DOCK7: variants seen among roughly 807,000 people sequenced by gnomAD.
The protein encoded by DOCK7 is dedicator of cytokinesis 7.
DOCK7 carries 138 observed loss-of-function variants against 271.0 expected under a neutral mutation model. The observed-to-expected ratio is 0.51, with a 90% CI of 0.44 to 0.59. The LOEUF is 0.59. Among genes scored for constraint, DOCK7 ranks in the 20% least tolerant of loss-of-function variants. The pLI is 0.00. For missense variants in DOCK7, 2,066 were observed against 2,592.4 expected (o/e 0.80, Z 4.41); for synonymous variants, 823 against 876.1 (o/e 0.94, Z 1.07).
chr1:62,506,032 A>G (rs1186284123), intron 35 of DOCK7, among the ~76,000 whole-genome samples: 1 of 152,180 alleles, frequency 6.6e-6, no homozygotes, highest in East Asian at 1.9e-4. Context: ...TATAATTTAA[A>G]TGAGAAAAAA....
rs190609839 is a variant in DOCK7, at chr1:62,610,608, C to T, written c.1682+8098G>A. 7.7e-4 allele frequency among the ~76,000 whole-genome samples: 117 copies of T among 152,070 alleles called. 1 individual carries two copies. Among genetic ancestry groups the T allele is most frequent in the Middle Eastern group, 6.8e-3 (2 of 294 alleles). On this transcript the variant is annotated intron_variant, in intron 14 of 49. Coordinates refer to ENST00000635253, the MANE Select transcript of DOCK7 (RefSeq NM_001367561.1). ...ATTAGGTATTTCTCCTAATGCTATC[C>T]CTCCCCTAGCCCCACCCCGACAGGT...
chr1:62,486,178 T>C (rs1443530871), intron 43 of DOCK7: 1 of 152,162 alleles, frequency 6.6e-6, no homozygotes, highest in Non-Finnish European at 1.5e-5. Flanking sequence ...ATGAGGATTA[T>C]ATTTTGAGTA....
intron 22 of DOCK7, among the ~76,000 whole-genome samples, chr1:62,546,501 T>C (rs1645713574): frequency 6.6e-6 from 1 of 152,142 alleles, no homozygotes; most frequent in African/African-American, 2.4e-5. Context: ...AAATCTAAGA[T>C]AAATTACTTA....
At chr1:62,477,882 T>C in intron 43 of DOCK7, 57 bp from the exon 44 acceptor site, 1 of 1,510,766 alleles carries the variant, frequency 6.6e-7, no homozygotes, top group Non-Finnish European at 8.8e-7. Context: ...CTTCCTGTTT[T>C]TCACATTATG....
At chr1:62,496,579 T>G (rs914130526) in intron 37 of DOCK7, 82 bp from the exon 38 acceptor site, 3 of 1,345,446 alleles carry the variant, frequency 2.2e-6, no homozygotes. Flanking sequence ...TAAAAGTATA[T>G]TTAGTGAAAA....
intron 1 of DOCK7, among the ~76,000 whole-genome samples, chr1:62,684,472 C>T (rs1330532544): frequency 6.6e-6 from 1 of 152,190 alleles, no homozygotes; most frequent in East Asian, 1.9e-4. Context: ...TTTATTGAGG[C>T]TGTTATCCCC....
At chr1:62,646,610 A>G (rs1557853842) in intron 7 of DOCK7, among the ~76,000 whole-genome samples, 1 of 152,240 alleles carries the variant, frequency 6.6e-6, no homozygotes, top group African/African-American at 2.4e-5. Flanking sequence ...AGCAAGCAGC[A>G]GCCATCTGCA....
At chr1:62,680,231 C>T (rs1660963821) in intron 1 of DOCK7, among the ~76,000 whole-genome samples, 1 of 152,096 alleles carries the variant, frequency 6.6e-6, no homozygotes, top group African/African-American at 2.4e-5. Flanking sequence ...AGAAATAATA[C>T]CACTCATCTA....
intron 48 of DOCK7, among the ~76,000 whole-genome samples, chr1:62,460,604 A>AACACACACACAC (rs57641890): frequency 3.3e-4 from 49 of 149,010 alleles, no homozygotes; most frequent in African/African-American, 1.1e-3. Context: ...CAATGTATTG[A>AACACACACACAC]ACACACACAC....
intron 43 of DOCK7, 93 bp from the exon 44 acceptor site, chr1:62,477,918 C>A: frequency 2.9e-6 from 4 of 1,363,326 alleles, no homozygotes; most frequent in Admixed American, 2.8e-5. Context: ...CATAAAATTT[C>A]CAAAACATTG....
chr1:62,621,458 T>C (rs541989631), intron 12 of DOCK7, among the ~76,000 whole-genome samples: 2 of 152,338 alleles, frequency 1.3e-5, no homozygotes, highest in Non-Finnish European at 2.9e-5. Context: ...TATTGTTTTA[T>C]GCATATTTCA....
chr1:62,488,843 C>T (rs548122391), intron 42 of DOCK7, 91 bp downstream of exon 42: 14 of 1,516,136 alleles, frequency 9.2e-6, no homozygotes, highest in East Asian at 6.8e-5. Context: ...GGTCATTTCA[C>T]GGGATCTAGT....
At chr1:62,670,507 A>C (rs1260427639) in intron 1 of DOCK7, among the ~76,000 whole-genome samples, 1 of 151,738 alleles carries the variant, frequency 6.6e-6, no homozygotes, top group African/African-American at 2.4e-5. Context: ...CTTTATGTCT[A>C]GCTCAAGGAT....
At chr1:62,514,835 C>T (rs917714453) in intron 31 of DOCK7, among the ~76,000 whole-genome samples, 2 of 151,952 alleles carry the variant, frequency 1.3e-5, no homozygotes, top group Non-Finnish European at 2.9e-5. Flanking sequence ...AAGGGTAAAG[C>T]TAGGATTTTA....
intron 22 of DOCK7, among the ~76,000 whole-genome samples, chr1:62,545,862 A>AC (rs1170143414): frequency 6.6e-6 from 1 of 152,140 alleles, no homozygotes; most frequent in Non-Finnish European, 1.5e-5. Context: ...CCTAAAACTG[A>AC]CTGTTGGTCA....
chr1:62,462,844 G>T (rs1429176079), intron 48 of DOCK7, among the ~76,000 whole-genome samples: 1 of 148,866 alleles, frequency 6.7e-6, no homozygotes, highest in Non-Finnish European at 1.5e-5. Flanking sequence ...TTCTACTTTG[G>T]CCTCCTGTGT....
intron 7 of DOCK7, among the ~76,000 whole-genome samples, chr1:62,639,451 T>C (rs908977156): frequency 7.0e-6 from 1 of 143,644 alleles, no homozygotes; most frequent in Non-Finnish European, 1.5e-5. Flanking sequence ...TTTTTTTTTT[T>C]TGAGATGGAG....
At chr1:62,506,704 T>C (rs998561858) in intron 35 of DOCK7, among the ~76,000 whole-genome samples, 1 of 150,908 alleles carries the variant, frequency 6.6e-6, no homozygotes, top group Admixed American at 6.6e-5. Flanking sequence ...TCCCCACACT[T>C]TGGGAGGCTG....
At chr1:62,607,107 G>T (rs1185538036) in intron 14 of DOCK7, among the ~76,000 whole-genome samples, 1 of 152,154 alleles carries the variant, frequency 6.6e-6, no homozygotes, top group Non-Finnish European at 1.5e-5. Context: ...TCAAGAGGCT[G>T]AGACAGGAGA....
Sources: allele counts gnomAD v4.1 joint callset (sites outside exome capture counted in the v4.1 genomes callset), GRCh38; gene constraint gnomAD v4.1.1; transcripts MANE v1.5; gene names NCBI Gene and HGNC (gene_info 2026-07-23, HGNC 2026-07-21).